Variants in NRG1 observed in about 807,000 individuals in gnomAD.
The protein encoded by NRG1 is pro-neuregulin-1, membrane-bound isoform.
Under a neutral mutation model 63.8 loss-of-function variants are expected in NRG1, and 18 were observed. That is an observed-to-expected ratio of 0.28 (90% CI 0.19 to 0.42). The LOEUF (loss-of-function observed/expected upper bound fraction) is 0.42, where lower values mean the gene tolerates loss of function less well. Ranked by LOEUF, NRG1 falls within the 10% of genes least tolerant of loss-of-function variation. The probability of loss-of-function intolerance (pLI) is 1.00; values close to 1 mark genes in which losing one functional copy is unlikely to be tolerated. For synonymous variants in NRG1, 302 were observed against 301.3 expected (o/e 1.00, Z -0.02); for missense variants, 762 against 814.7 (o/e 0.94, Z 0.79).
intron 1 of NRG1, among the ~76,000 whole-genome samples, chr8:32,559,061 A>T (rs1011386446): frequency 9.4e-5 from 13 of 138,138 alleles, no homozygotes; most frequent in Admixed American, 2.4e-4. Context: ...AGTCTAGGTG[A>T]CAGTGTAAGA....
At position 32,025,982 on chromosome 8, in the gene NRG1, G is replaced by T. The variant is rs188294815; in HGVS notation, c.37+386551G>T. 6.6e-5 allele frequency among the ~76,000 whole-genome samples: 10 copies of T among 151,192 alleles called. No individual in the cohort carries two copies. The East Asian group carries it at 1.8e-3, about 27-fold the overall frequency. ...AAAAAAAGTGAAGATATTGCCACAG[G>T]TCTCAGGTCCTCTTTCCCTGCTTCA... On this transcript the variant is annotated intron_variant, in intron 1 of 10. Coordinates refer to the NRG1 transcript ENST00000519301.
chr8:31,694,284 C>T (rs552732490), intron 1 of NRG1, among the ~76,000 whole-genome samples: 111 of 152,244 alleles, frequency 7.3e-4, no homozygotes, highest in African/African-American at 3.6e-4. Flanking sequence ...ATGTGGTATT[C>T]GACACGGGTT....
intron 1 of NRG1, among the ~76,000 whole-genome samples, chr8:31,732,559 G>A (rs1393138423): frequency 1.3e-5 from 2 of 152,100 alleles, no homozygotes; most frequent in African/African-American, 4.8e-5. Context: ...AGATTGTGTA[G>A]CATTAAAGTC....
rs146969487 is a variant in NRG1, at chr8:32,373,501, G to A, written c.38-222327G>A. Among the ~76,000 whole-genome samples, 298 of 152,214 alleles carry A rather than the reference G, an allele frequency of 2.0e-3. 2 individuals carry two copies. Among genetic ancestry groups the A allele is most frequent in the African/African-American group, 6.7e-3 (278 of 41,528 alleles). ...CTCTACAACGAGAAAAATGAAAACCGAAGGTTTGACATTTGAGACAATATT... is the reference window on the plus strand; with the variant it reads ...CTCTACAACGAGAAAAATGAAAACCAAAGGTTTGACATTTGAGACAATATT... On this transcript the variant is annotated intron_variant, in intron 1 of 10. Transcript: ENST00000519301.
At chr8:32,279,588 T>C (rs561027029) in intron 1 of NRG1, among the ~76,000 whole-genome samples, 1 of 152,302 alleles carries the variant, frequency 6.6e-6, no homozygotes, top group African/African-American at 2.4e-5. Flanking sequence ...CCTGATCTCA[T>C]GATCCACCCA....
intron 1 of NRG1, among the ~76,000 whole-genome samples, chr8:32,004,462 A>G (rs1018412869): frequency 6.2e-5 from 9 of 144,646 alleles, no homozygotes; most frequent in African/African-American, 2.2e-4. Flanking sequence ...CACCACACTA[A>G]TGCAAGATGT....
intron 1 of NRG1, among the ~76,000 whole-genome samples, chr8:32,563,362 C>A (rs1458806876): frequency 6.6e-6 from 1 of 152,160 alleles, no homozygotes; most frequent in African/African-American, 2.4e-5. Context: ...TATAGAATAA[C>A]TTTTGATGGG....
chr8:32,421,822 TA>T (rs11309482), intron 1 of NRG1, among the ~76,000 whole-genome samples: 6,025 of 152,296 alleles, frequency 0.04, 144 homozygotes, highest in Middle Eastern at 0.071. Context: ...GTGTTTTTAT[TA>T]TTTTTTCTGA....
chr8:31,928,895 G>A (rs933705692), intron 1 of NRG1, among the ~76,000 whole-genome samples: 6 of 152,106 alleles, frequency 3.9e-5, no homozygotes, highest in Admixed American at 6.5e-5. Flanking sequence ...GAGGGTGAGA[G>A]AGAAATAACT....
intron 5 of NRG1, among the ~76,000 whole-genome samples, chr8:32,698,281 G>C (rs147877415): frequency 6.6e-6 from 1 of 152,126 alleles, no homozygotes; most frequent in Non-Finnish European, 1.5e-5. Flanking sequence ...GGAGAGAATT[G>C]CCTCTTTTCT....
intron 1 of NRG1, among the ~76,000 whole-genome samples, chr8:31,687,480 C>T (rs1209820501): frequency 6.6e-6 from 1 of 152,194 alleles, no homozygotes; most frequent in East Asian, 1.9e-4. Flanking sequence ...AAAATATTTA[C>T]TCAATGCCTG....
At chr8:31,838,061 T>C (rs1368567826) in intron 1 of NRG1, among the ~76,000 whole-genome samples, 2 of 152,238 alleles carry the variant, frequency 1.3e-5, no homozygotes, top group South Asian at 2.1e-4. Context: ...TTTTCCACAA[T>C]GGTAGTACTG....
chr8:32,404,835 T>A (rs1001578983), intron 1 of NRG1, among the ~76,000 whole-genome samples: 2 of 152,120 alleles, frequency 1.3e-5, no homozygotes, highest in African/African-American at 4.8e-5. Flanking sequence ...TCCACCTGCC[T>A]TGGCCTTCCA....
At chr8:31,943,401 C>T (rs1319614688) in intron 1 of NRG1, among the ~76,000 whole-genome samples, 2 of 151,892 alleles carry the variant, frequency 1.3e-5, no homozygotes, top group African/African-American at 4.8e-5. Context: ...TGGGGACTGG[C>T]GAAGGATAAG....
rs1179487628 is a variant in NRG1 at position 31,640,611 on chromosome 8, G to A, written c.37+1180G>A. ...AGGACAGCAGGTACATCTTCTTCAT[G>A]GAGCCCGACGCCAACAGCACCAGCC... On this transcript the variant is annotated intron_variant, in intron 1 of 10. Transcript: ENST00000519301. The surrounding 1 kb of genome is among the most constrained non-coding windows in gnomAD (Gnocchi z 6.3). 1 of 1,611,858 alleles carries A rather than the reference G, an allele frequency of 6.2e-7. No individual in the cohort carries two copies.
At chr8:31,845,293 G>A (rs1826585392) in intron 1 of NRG1, among the ~76,000 whole-genome samples, 1 of 152,080 alleles carries the variant, frequency 6.6e-6, no homozygotes, top group South Asian at 2.1e-4. Context: ...TTCATAGCTT[G>A]TTAGGGAAAA....
At chr8:32,639,024 T>G (rs1470954260) in intron 5 of NRG1, among the ~76,000 whole-genome samples, 2 of 152,086 alleles carry the variant, frequency 1.3e-5, no homozygotes, top group Non-Finnish European at 2.9e-5. Context: ...TTCATTTTGA[T>G]CAGCAACAAG....
intron 5 of NRG1, among the ~76,000 whole-genome samples, chr8:32,619,222 C>T (rs193034158): frequency 2.4e-4 from 37 of 152,102 alleles, no homozygotes; most frequent in African/African-American, 8.9e-4. Flanking sequence ...TCAAGAAAAA[C>T]AATCAAACAA....
chr8:32,469,485 A>G (rs1823501695), intron 1 of NRG1, among the ~76,000 whole-genome samples: 2 of 151,994 alleles, frequency 1.3e-5, no homozygotes, highest in Admixed American at 1.3e-4. Flanking sequence ...TTATTATTAA[A>G]ACTCTGATCC....
Sources: allele counts gnomAD v4.1 joint callset (sites outside exome capture counted in the v4.1 genomes callset), GRCh38; gene constraint gnomAD v4.1.1; non-coding constraint Gnocchi (gnomAD v3.1); transcripts MANE v1.5; gene names NCBI Gene and HGNC (gene_info 2026-07-23, HGNC 2026-07-21).